The following MAN1A1 variants were observed in gnomAD, a reference collection of about 807,000 sequenced individuals.
MAN1A1 encodes the protein mannosyl-oligosaccharide 1,2-alpha-mannosidase IA.
A neutral mutation model predicts 70.8 loss-of-function variants in MAN1A1; 29 were observed. The ratio of observed to expected loss-of-function variants is 0.41; its 90% CI spans 0.31 to 0.56. The LOEUF (loss-of-function observed/expected upper bound fraction) is 0.56, where lower values mean the gene tolerates loss of function less well. MAN1A1 is among the 20% of genes least tolerant of loss of function. MAN1A1 has a pLI of 0.29. For synonymous variants in MAN1A1, 349 were observed against 330.1 expected (o/e 1.06, Z -0.62); for missense variants, 747 against 841.3 (o/e 0.89, Z 1.39).
intron 4 of MAN1A1, among the ~76,000 whole-genome samples, chr6:119,294,797 A>C (rs1045992811): frequency 1.3e-5 from 2 of 152,110 alleles, no homozygotes; most frequent in Non-Finnish European, 2.9e-5. Flanking sequence ...TTGAATTCAT[A>C]TAAATTGAAT....
At chr6:119,208,176 G>A (rs1354429483) in intron 6 of MAN1A1, among the ~76,000 whole-genome samples, 1 of 152,154 alleles carries the variant, frequency 6.6e-6, no homozygotes, top group Non-Finnish European at 1.5e-5. Flanking sequence ...AATAAATGTG[G>A]TCTGGGGAGC....
chr6:119,222,493 AT>A (rs1774393151), intron 6 of MAN1A1, among the ~76,000 whole-genome samples: 1 of 151,512 alleles, frequency 6.6e-6, no homozygotes, highest in Admixed American at 6.6e-5. Context: ...TGGCTGGCTA[AT>A]TTTTTAAGTT....
At chr6:119,185,842 C>T (rs1349262743) in intron 11 of MAN1A1, among the ~76,000 whole-genome samples, 2 of 135,466 alleles carry the variant, frequency 1.5e-5, no homozygotes, top group Admixed American at 7.5e-5. Context: ...TTTGGCCTCC[C>T]AGTTTTTTTT....
intron 5 of MAN1A1, among the ~76,000 whole-genome samples, chr6:119,268,141 T>C (rs1775810340): frequency 6.6e-6 from 1 of 152,252 alleles, no homozygotes. Context: ...GGTGATTTTC[T>C]ACTTTTATCA....
chr6:119,182,406 C>T (rs913149445), intron 11 of MAN1A1, among the ~76,000 whole-genome samples: 3 of 151,900 alleles, frequency 2.0e-5, no homozygotes, highest in South Asian at 4.2e-4. Context: ...GTTTTTGGGT[C>T]GAATCCAAAA....
intron 5 of MAN1A1, among the ~76,000 whole-genome samples, chr6:119,258,185 ACTGCTTTCAGACAT>A (rs1775510637): frequency 6.6e-6 from 1 of 152,162 alleles, no homozygotes; most frequent in African/African-American, 2.4e-5. Context: ...TCTATTTACT[ACTGCTTTCAGACAT>A]CAGAAATCAT....
intron 6 of MAN1A1, among the ~76,000 whole-genome samples, chr6:119,237,059 G>A (rs751189882): frequency 2.0e-5 from 3 of 152,202 alleles, no homozygotes; most frequent in Non-Finnish European, 4.4e-5. Flanking sequence ...CTGAAGACAT[G>A]ACTGAATTGC....
At chr6:119,272,112 A>C (rs1775940916) in intron 5 of MAN1A1, among the ~76,000 whole-genome samples, 1 of 152,224 alleles carries the variant, frequency 6.6e-6, no homozygotes, top group Non-Finnish European at 1.5e-5. Context: ...CCAAACTATC[A>C]ATTCCTATCA....
intron 2 of MAN1A1, among the ~76,000 whole-genome samples, chr6:119,334,292 T>C (rs994690732): frequency 1.3e-5 from 2 of 152,222 alleles, no homozygotes; most frequent in Admixed American, 1.3e-4. Context: ...CCAAATATCC[T>C]CGTGCCCAAC....
intron 5 of MAN1A1, among the ~76,000 whole-genome samples, chr6:119,273,738 T>G (rs1775984352): frequency 6.6e-6 from 1 of 152,052 alleles, no homozygotes; most frequent in Admixed American, 6.5e-5. Flanking sequence ...TGCCTGAGAG[T>G]AAATTTTTGC....
chr6:119,260,976 G>GCTTTTTTTTT lies in MAN1A1; in HGVS notation c.898-12623_898-12622insAAAAAAAAAG, dbSNP rs1554209499. ...TATCTAAATGTCTTGTTTTTTTATT[G>GCTTTTTTTTT]TTTTTTTTTTTTTTTTTTTTGAGAT... On this transcript the variant is annotated intron_variant, in intron 5 of 12. Coordinates refer to ENST00000368468, the MANE Select transcript of MAN1A1 (RefSeq NM_005907.4). 7.0e-3 allele frequency among the ~76,000 whole-genome samples: 815 copies of GCTTTTTTTTT among 116,900 alleles called. 118 individuals carry two copies. The highest frequency in any genetic ancestry group is 9.4e-3 in the Middle Eastern group (2 of 212). The allele number at this position is 116,900 out of a possible 152,430, so 76.7% of individuals were successfully genotyped here.
chr6:119,224,177 G>A (rs184704397), intron 6 of MAN1A1, among the ~76,000 whole-genome samples: 1 of 152,136 alleles, frequency 6.6e-6, no homozygotes, highest in African/African-American at 2.4e-5. Flanking sequence ...TGCTATAAGG[G>A]AGACACTGGG....
intron 5 of MAN1A1, among the ~76,000 whole-genome samples, chr6:119,262,216 T>C (rs538931941): frequency 6.6e-5 from 10 of 152,334 alleles, no homozygotes; most frequent in Admixed American, 6.5e-4. Flanking sequence ...ACTGAACATT[T>C]CATTTGCTAT....
At chr6:119,214,548 C>G (rs931029181) in intron 6 of MAN1A1, among the ~76,000 whole-genome samples, 2 of 152,122 alleles carry the variant, frequency 1.3e-5, no homozygotes, top group Admixed American at 1.3e-4. Flanking sequence ...TAGACAGGGT[C>G]TCACTCTGTC....
chr6:119,180,464 C>A, intron 11 of MAN1A1, 37 bp from the exon 12 acceptor site: 1 of 1,066,388 alleles, frequency 9.4e-7, no homozygotes, highest in Non-Finnish European at 1.4e-6. Flanking sequence ...AGTCACATTT[C>A]AGTAAACTGA....
intron 5 of MAN1A1, among the ~76,000 whole-genome samples, chr6:119,270,420 T>C (rs930249484): frequency 2.6e-5 from 4 of 152,224 alleles, no homozygotes; most frequent in Admixed American, 2.0e-4. Context: ...GTATACACTT[T>C]AGTGGCTTTA....
rs540280924 is a variant in MAN1A1 at position 119,313,683 on chromosome 6, T to C, written c.604-6691A>G. On this transcript the variant is annotated intron_variant, in intron 2 of 12. Coordinates refer to ENST00000368468, the MANE Select transcript of MAN1A1 (RefSeq NM_005907.4). ...TACTAAAAAAAAAAAAAGTTGTTTA[T>C]CTGAAATTCAAATTTAACTGAAAGT... Among the ~76,000 whole-genome samples the C allele has an allele frequency of 1.8e-4, 28 of 152,058 alleles. 1 individual carries two copies. In the South Asian group the frequency reaches 5.4e-3, roughly 29 times the overall value.
At chr6:119,220,986 T>C (rs1002195690) in intron 6 of MAN1A1, among the ~76,000 whole-genome samples, 16 of 151,504 alleles carry the variant, frequency 1.1e-4, no homozygotes, top group African/African-American at 3.6e-4. Flanking sequence ...AAAAAGACAA[T>C]AAAAGAAAAA....
chr6:119,227,839 T>C (rs1301539855), intron 6 of MAN1A1, among the ~76,000 whole-genome samples: 1 of 152,174 alleles, frequency 6.6e-6, no homozygotes, highest in African/African-American at 2.4e-5. Context: ...GATTATTTTT[T>C]CCCATGAAAA....
Sources: allele counts gnomAD v4.1 joint callset (sites outside exome capture counted in the v4.1 genomes callset), GRCh38; gene constraint gnomAD v4.1.1; transcripts MANE v1.5; gene names NCBI Gene and HGNC (gene_info 2026-07-23, HGNC 2026-07-21).